Variants in NTNG1 observed in about 807,000 individuals in gnomAD.
NTNG1 encodes netrin G1, also known as netrin-G1.
In NTNG1, 16 loss-of-function variants were observed where a neutral mutation model predicts 54.0. The ratio of observed to expected loss-of-function variants is 0.30; its 90% CI spans 0.20 to 0.45. The LOEUF is 0.45. Among genes scored for constraint, NTNG1 ranks in the 20% least tolerant of loss-of-function variants. NTNG1 has a pLI of 1.00. For synonymous variants in NTNG1, 255 were observed against 263.1 expected (o/e 0.97, Z 0.30); for missense variants, 530 against 678.7 (o/e 0.78, Z 2.43).
intron 2 of NTNG1, among the ~76,000 whole-genome samples, chr1:107,238,140 C>A (rs1425784389): frequency 6.6e-6 from 1 of 152,184 alleles, no homozygotes; most frequent in African/African-American, 2.4e-5. Flanking sequence ...ACCATGGGAA[C>A]CCACCTCTTT....
intron 5 of NTNG1, among the ~76,000 whole-genome samples, chr1:107,413,799 C>A (rs1160533902): frequency 6.6e-6 from 1 of 152,104 alleles, no homozygotes; most frequent in Non-Finnish European, 1.5e-5. Flanking sequence ...AATGACAGAG[C>A]CAGAATTCCA....
At chr1:107,371,129 G>A (rs1398701059) in intron 3 of NTNG1, among the ~76,000 whole-genome samples, 1 of 151,994 alleles carries the variant, frequency 6.6e-6, no homozygotes, top group Non-Finnish European at 1.5e-5. Flanking sequence ...TTCTGAGGAA[G>A]TTTCCTTCCA....
intron 3 of NTNG1, among the ~76,000 whole-genome samples, chr1:107,376,300 C>A (rs1417108198): frequency 6.6e-6 from 1 of 151,756 alleles, no homozygotes; most frequent in Non-Finnish European, 1.5e-5. Context: ...CCCAGCTACT[C>A]GGGAGGCTGA....
intron 2 of NTNG1, among the ~76,000 whole-genome samples, chr1:107,209,007 A>AGTTTTGT (rs1405026282): frequency 6.6e-6 from 1 of 151,822 alleles, no homozygotes; most frequent in African/African-American, 2.4e-5. Context: ...ATACAGCTCA[A>AGTTTTGT]GTTTTGTATT....
At chr1:107,402,940 G>A (rs1181743380) in intron 4 of NTNG1, among the ~76,000 whole-genome samples, 1 of 152,014 alleles carries the variant, frequency 6.6e-6, no homozygotes, top group Non-Finnish European at 1.5e-5. Context: ...TATCCCTTCT[G>A]CTTCCTTCCT....
chr1:107,452,726 C>T (rs1369598057), intron 7 of NTNG1, among the ~76,000 whole-genome samples: 1 of 152,120 alleles, frequency 6.6e-6, no homozygotes, highest in Non-Finnish European at 1.5e-5. Context: ...ACCTTCTCTG[C>T]CATGATACAA....
intron 2 of NTNG1, among the ~76,000 whole-genome samples, chr1:107,282,750 G>T (rs925300760): frequency 1.3e-5 from 2 of 152,128 alleles, no homozygotes; most frequent in Non-Finnish European, 2.9e-5. Context: ...TCCTGGAATG[G>T]CCTAGTTTCT....
At chr1:107,439,683 ATTC>A (rs1263542351) in intron 7 of NTNG1, among the ~76,000 whole-genome samples, 2 of 152,016 alleles carry the variant, frequency 1.3e-5, no homozygotes, top group Non-Finnish European at 2.9e-5. Context: ...AAATATAGAA[ATTC>A]TTCTGTCAGT....
chr1:107,479,864 G>C (rs907467720), intron 7 of NTNG1, among the ~76,000 whole-genome samples: 24 of 152,120 alleles, frequency 1.6e-4, no homozygotes, highest in African/African-American at 5.1e-4. Context: ...TGAAATTTTG[G>C]TAATCAGGGT....
At chr1:107,268,757 C>T (rs1254774343) in intron 2 of NTNG1, among the ~76,000 whole-genome samples, 2 of 152,184 alleles carry the variant, frequency 1.3e-5, no homozygotes, top group Non-Finnish European at 2.9e-5. Flanking sequence ...CACCTCCTTC[C>T]CAAAACCATT....
intron 3 of NTNG1, among the ~76,000 whole-genome samples, chr1:107,340,334 G>A (rs1296086480): frequency 2.6e-5 from 4 of 151,998 alleles, no homozygotes; most frequent in Non-Finnish European, 1.5e-5. Flanking sequence ...GTAAAATGTG[G>A]ACTTGCAAGA....
intron 7 of NTNG1, among the ~76,000 whole-genome samples, chr1:107,456,353 C>T (rs965302658): frequency 1.1e-4 from 16 of 152,162 alleles, no homozygotes; most frequent in African/African-American, 3.9e-4. Context: ...AAGAAGATGT[C>T]TACATTCCTA....
At chr1:107,183,775 T>C (rs1227778952) in intron 2 of NTNG1, among the ~76,000 whole-genome samples, 4 of 152,164 alleles carry the variant, frequency 2.6e-5, no homozygotes, top group Admixed American at 6.6e-5. Context: ...AAAAATAACC[T>C]GGACAAAAGA....
chr1:107,231,930 G>C (rs186420732), intron 2 of NTNG1, among the ~76,000 whole-genome samples: 87 of 152,232 alleles, frequency 5.7e-4, no homozygotes, highest in African/African-American at 2.0e-3. Context: ...AAACTTACCA[G>C]GCTTTTTCCA....
chr1:107,317,945 G>A (rs1279957670), intron 2 of NTNG1, among the ~76,000 whole-genome samples: 2 of 152,110 alleles, frequency 1.3e-5, no homozygotes, highest in Admixed American at 1.3e-4. Context: ...TTCTTAGGGT[G>A]GCCATATTTT....
In NTNG1 at chr1:107,177,623, G is replaced by A. The variant is rs137918173; in HGVS notation, c.246+28784G>A. 6.6e-4 allele frequency among the ~76,000 whole-genome samples: 100 copies of A among 152,196 alleles called. 1 individual carries two copies. The highest frequency in any genetic ancestry group is 2.2e-3 in the African/African-American group (92 of 41,516). On this transcript the variant is annotated intron_variant, in intron 2 of 7. Coordinates refer to ENST00000370068, the MANE Select transcript of NTNG1 (RefSeq NM_001113226.3). The stretch of plus-strand genomic sequence containing the variant: ...GCTGGGATTACAGGCGTGAACCACC[G>A]CTCCCGGCCTTAAGAAGCAACTTTT...
At chr1:107,463,914 G>A (rs1428974761) in intron 7 of NTNG1, among the ~76,000 whole-genome samples, 7 of 152,234 alleles carry the variant, frequency 4.6e-5, no homozygotes, top group South Asian at 4.2e-4. Context: ...GGTGGATTTG[G>A]GGGGTTTGAG....
chr1:107,185,547 C>A (rs1434147996), intron 2 of NTNG1, among the ~76,000 whole-genome samples: 2 of 152,140 alleles, frequency 1.3e-5, no homozygotes, highest in Non-Finnish European at 1.5e-5. Context: ...TACCTAATTG[C>A]ATTTGCAAAA....
At chr1:107,349,311 T>A (rs1338593671) in intron 3 of NTNG1, among the ~76,000 whole-genome samples, 1 of 152,206 alleles carries the variant, frequency 6.6e-6, no homozygotes, top group Non-Finnish European at 1.5e-5. Context: ...CACTGAGCTC[T>A]GTATAAAATA....
Sources: allele counts gnomAD v4.1 joint callset (sites outside exome capture counted in the v4.1 genomes callset), GRCh38; gene constraint gnomAD v4.1.1; transcripts MANE v1.5; gene names NCBI Gene and HGNC (gene_info 2026-07-23, HGNC 2026-07-21).